The following ITGAM variants were observed in gnomAD, a reference collection of about 807,000 sequenced individuals.
The protein encoded by ITGAM is integrin alpha-M.
In ITGAM, 79 loss-of-function variants were observed where a neutral mutation model predicts 137.5. The ratio of observed to expected loss-of-function variants is 0.57; its 90% confidence interval spans 0.48 to 0.69. The LOEUF (loss-of-function observed/expected upper bound fraction) is 0.69. Among genes scored for constraint, ITGAM ranks in the 30% least tolerant of loss-of-function variants. The pLI is 0.00. For synonymous variants in ITGAM, 583 were observed against 592.3 expected (o/e 0.98, Z 0.23); for missense variants, 1,343 against 1,483.5 (o/e 0.91, Z 1.56).
chr16:31,330,446 C>G (rs370751873), intron 27 of ITGAM, 25 bp downstream of exon 27: 1 of 1,610,212 alleles, frequency 6.2e-7, no homozygotes, highest in Non-Finnish European at 8.5e-7. Context: ...GAGGCTTCGC[C>G]GGGCACAGGC....
intron 2 of ITGAM, among the ~76,000 whole-genome samples, chr16:31,263,598 CT>C (rs937265434): frequency 2.2e-4 from 30 of 139,432 alleles, no homozygotes; most frequent in Admixed American, 3.6e-4. Flanking sequence ...TAAATTGCTT[CT>C]TTTTTTTTTA....
intron 19 of ITGAM, 35 bp from the exon 20 acceptor site, chr16:31,325,228 G>GC (rs750586703): frequency 6.3e-7 from 1 of 1,588,208 alleles, no homozygotes; most frequent in African/African-American, 1.3e-5. Context: ...GAAGCCCAGC[G>GC]CCCCATCCCC....
At chr16:31,318,641 G>T (rs2080416939) in intron 14 of ITGAM, among the ~76,000 whole-genome samples, 1 of 152,074 alleles carries the variant, frequency 6.6e-6, no homozygotes, top group African/African-American at 2.4e-5. Flanking sequence ...ACTGCACCTG[G>T]CCAAAGCTTG....
At position 31,331,974 on chromosome 16, in the gene ITGAM, T is replaced by A; in HGVS notation, c.*267T>A. The A allele has an allele frequency of 3.8e-6, 2 of 527,298 alleles. No homozygotes were observed. The highest frequency in any genetic ancestry group is 4.8e-5 in the South Asian group (2 of 41,868). The allele number at this position is 527,298 out of a possible 1,614,324, so 32.7% of individuals were successfully genotyped here. A position where few individuals can be genotyped will look rare whatever the true frequency, so the allele number is the denominator to read the frequency against. On this transcript the variant is annotated 3_prime_UTR_variant, in exon 30 of 30. Coordinates refer to ENST00000544665, the MANE Select transcript of ITGAM (RefSeq NM_000632.4). Reference sequence around the variant, plus strand: ...GTATGTGAGTGTGTCCAAGTGTGTGTGCGTGTGTCCATGTGTGTGCAAGTG... The same window carrying A: ...GTATGTGAGTGTGTCCAAGTGTGTGAGCGTGTGTCCATGTGTGTGCAAGTG...
intron 25 of ITGAM, 82 bp downstream of exon 25, chr16:31,329,987 T>C: frequency 6.5e-7 from 1 of 1,526,718 alleles, no homozygotes; most frequent in African/African-American, 1.4e-5. Flanking sequence ...TTAGAGCCGC[T>C]CCGCCCCTCT....
chr16:31,261,344 G>A (rs925520840), intron 1 of ITGAM, among the ~76,000 whole-genome samples: 1 of 151,098 alleles, frequency 6.6e-6, no homozygotes, highest in Non-Finnish European at 1.5e-5. Flanking sequence ...CACTACACCC[G>A]GCTAATTTTT....
intron 12 of ITGAM, among the ~76,000 whole-genome samples, chr16:31,279,233 A>G (rs2079942580): frequency 6.6e-6 from 1 of 152,178 alleles, no homozygotes; most frequent in Admixed American, 6.5e-5. Flanking sequence ...CATGATTTAT[A>G]ATTCTTTGGG....
In ITGAM at chr16:31,321,243, G is replaced by T; in HGVS notation, c.1710G>T (p.Arg570=). 3 of 1,613,806 alleles carry T rather than the reference G, an allele frequency of 1.9e-6. No homozygotes were observed. The highest frequency in any genetic ancestry group is 2.5e-6 in the Non-Finnish European group (3 of 1,179,846). The change falls in exon 15 of 30, where the codon CGG becomes CGT. Residue 570 remains arginine (R), a splice_region_variant and synonymous_variant. Coordinates refer to ENST00000544665, the MANE Select transcript of ITGAM (RefSeq NM_000632.4). ...GSGISPSHSQ[R]IAGSKLSPRL... ...CCACACCTCTTTTTTACCCTCAGCG[G>T]ATAGCAGGCTCCAAGCTCTCTCCCA...
In ITGAM at chr16:31,319,239, G is replaced by GTT. The variant is rs61190914; in HGVS notation, c.1708-1993_1708-1992dup. ...GTCCATTTGGTCCATTCTCCCTTGG[G>GTT]TTTTTTTTTTGTCTAGTTGTTCTAT... On this transcript the variant is annotated intron_variant, in intron 14 of 29. Transcript: ENST00000544665. 1.9e-3 allele frequency among the ~76,000 whole-genome samples: 274 copies of GTT among 147,510 alleles called. 2 individuals carry two copies. Among genetic ancestry groups the GTT allele is most frequent in the South Asian group, 4.3e-3 (20 of 4,662 alleles).
chr16:31,305,713 G>A (rs1398162573), intron 14 of ITGAM, among the ~76,000 whole-genome samples: 1 of 152,028 alleles, frequency 6.6e-6, no homozygotes, highest in Non-Finnish European at 1.5e-5. Flanking sequence ...TGCATCTATT[G>A]AGATGATTAT....
intron 12 of ITGAM, among the ~76,000 whole-genome samples, chr16:31,284,526 A>G (rs960195681): frequency 2.6e-5 from 4 of 152,204 alleles, no homozygotes; most frequent in African/African-American, 9.7e-5. Flanking sequence ...CCTCTGAGCC[A>G]GACGCGGGAT....
chr16:31,299,135 A>T (rs891521010), intron 14 of ITGAM, among the ~76,000 whole-genome samples: 1 of 152,120 alleles, frequency 6.6e-6, no homozygotes, highest in Non-Finnish European at 1.5e-5. Flanking sequence ...CTCTTAACAG[A>T]TTTTAAAATG....
intron 14 of ITGAM, among the ~76,000 whole-genome samples, chr16:31,311,273 A>T (rs1597024313): frequency 6.6e-6 from 1 of 152,246 alleles, no homozygotes; most frequent in East Asian, 1.9e-4. Context: ...CAAAAGCCAA[A>T]ATTGACAAAT....
chr16:31,330,295 C>T lies in ITGAM; in HGVS notation c.3061-13C>T, dbSNP rs762421252. ...GCTTCCTTACCCGTCCCCTCCCCTC[C>T]TGCGTTCCCCAGAACTGCTCCATCG... is the stretch of plus-strand genomic sequence containing the variant. On this transcript the variant is annotated splice_polypyrimidine_tract_variant and intron_variant, in intron 26 of 29. Coordinates refer to ENST00000544665, the MANE Select transcript of ITGAM (RefSeq NM_000632.4). 8 of 1,609,312 alleles carry T rather than the reference C, an allele frequency of 5.0e-6. No homozygotes were observed. The highest frequency in any genetic ancestry group is 6.8e-6 in the Non-Finnish European group (8 of 1,175,662).
chr16:31,281,404 A>G (rs2079967695), intron 12 of ITGAM, among the ~76,000 whole-genome samples: 1 of 152,062 alleles, frequency 6.6e-6, no homozygotes, highest in Non-Finnish European at 1.5e-5. Context: ...AGAGCCTGCT[A>G]TTGGTCTATT....
At chr16:31,292,923 T>G (rs572872778) in intron 12 of ITGAM, among the ~76,000 whole-genome samples, 26 of 152,062 alleles carry the variant, frequency 1.7e-4, no homozygotes, top group Middle Eastern at 6.8e-3. Context: ...CTCACCAGCA[T>G]CTATTTTTTA....
At chr16:31,298,029 G>C (rs897391926) in intron 14 of ITGAM, 75 bp downstream of exon 14, 20 of 1,229,030 alleles carry the variant, frequency 1.6e-5, no homozygotes, top group Admixed American at 1.4e-4. Context: ...TGTGCCCACA[G>C]CTGCCAGATA....
chr16:31,320,100 C>T (rs893640454), intron 14 of ITGAM, among the ~76,000 whole-genome samples: 2 of 152,144 alleles, frequency 1.3e-5, no homozygotes, highest in African/African-American at 2.4e-5. Context: ...GTGTAAGCCA[C>T]GTGAGCCACC....
chr16:31,268,487 C>T (rs1008365417), intron 5 of ITGAM, among the ~76,000 whole-genome samples: 20 of 152,102 alleles, frequency 1.3e-4, no homozygotes, highest in Non-Finnish European at 2.6e-4. Flanking sequence ...CATAATGAGA[C>T]CCCATCTCTA....
Sources: gnomAD v4.1 joint callset for allele counts (sites outside exome capture counted in the v4.1 genomes callset) on GRCh38, gnomAD v4.1.1 for gene constraint, MANE v1.5 for transcripts, NCBI Gene and HGNC (gene_info 2026-07-23, HGNC 2026-07-21) for gene names.